Variants in DELE1 observed in about 807,000 individuals in gnomAD.
DELE1 encodes the protein DAP3 binding cell death enhancer 1, also known as death ligand signal enhancer.
Under a neutral mutation model 59.3 loss-of-function variants are expected in DELE1, and 54 were observed. The ratio of observed to expected loss-of-function variants is 0.91; its 90% confidence interval spans 0.73 to 1.14. The LOEUF is 1.14. Among genes scored for constraint, DELE1 ranks in the 50% most tolerant of loss-of-function variants. The pLI, the probability that DELE1 is intolerant of heterozygous loss-of-function variation, is 0.00. For synonymous variants in DELE1, 264 were observed against 259.1 expected, an observed-to-expected ratio of 1.02 and a Z score of -0.18; for missense variants, 636 against 643.9, an observed-to-expected ratio of 0.99 and a Z score of 0.13.
chr5:141,932,825 T>G (rs1055912030), intron 7 of DELE1, among the ~76,000 whole-genome samples: 6 of 152,152 alleles, frequency 3.9e-5, no homozygotes, highest in African/African-American at 1.4e-4. Context: ...CCAGGCACAG[T>G]GGCTCACGCC....
chr5:141,933,947 G>A (rs553150742), intron 8 of DELE1: 90 of 212,506 alleles, frequency 4.2e-4, no homozygotes, highest in African/African-American at 1.3e-3. Flanking sequence ...GTGCAAATGC[G>A]TAGATGTCTA....
Position 141,928,254 on chromosome 5 carries a change from C to T in DELE1, c.368C>T (p.Pro123Leu), listed in dbSNP as rs780091229. The T allele has an allele frequency of 2.5e-6, 4 of 1,614,228 alleles. No individual in the cohort carries two copies. The highest frequency in any genetic ancestry group is 3.3e-5 in the Admixed American group (2 of 60,018). ...QRVEHCSWHSPLDRFFSSPLW... is the reference protein window; with the variant it reads ...QRVEHCSWHSLLDRFFSSPLW... Reference sequence around the variant, plus strand: ...GTAGAACACTGCTCCTGGCACAGTCCCCTGGACCGTTTCTTCTCATCTCCC... The same window carrying T: ...GTAGAACACTGCTCCTGGCACAGTCTCCTGGACCGTTTCTTCTCATCTCCC... Residue 123 changes from proline to leucine, a missense_variant, in exon 4 of 12, where the codon CCC becomes CTC. Transcript: ENST00000432126.
chr5:141,924,687 C>T lies in DELE1; in HGVS notation c.138C>T (p.Asn46=), dbSNP rs773168096. The change falls in exon 2 of 12, where the codon AAC becomes AAT. Residue 46 remains asparagine (N), a synonymous_variant. Coordinates refer to ENST00000432126, the MANE Select transcript of DELE1 (RefSeq NM_014773.5). Reference sequence around the variant, plus strand: ...CCACTTTGCTGGTTCCTGTGCCTAACCTCGACAGGTAAGATACTGCCATTT... The same window carrying T: ...CCACTTTGCTGGTTCCTGTGCCTAATCTCGACAGGTAAGATACTGCCATTT... ...TSSTLLVPVP[N]LDRSGPHGPG... is the part of the protein sequence containing the mutation. 2.4e-5 allele frequency: 38 copies of T among 1,604,152 alleles called. No homozygotes were observed. Among genetic ancestry groups the T allele is most frequent in the Admixed American group, 5.0e-5 (3 of 59,980 alleles).
chr5:141,935,209 G>C (rs557999847), intron 10 of DELE1, among the ~76,000 whole-genome samples: 1 of 152,292 alleles, frequency 6.6e-6, no homozygotes, highest in African/African-American at 2.4e-5. Flanking sequence ...GGGGTCATTG[G>C]CATTCAGACA....
chr5:141,930,152 G>A (rs1487912069), intron 6 of DELE1, 26 bp from the exon 7 acceptor site: 3 of 1,609,338 alleles, frequency 1.9e-6, no homozygotes, highest in Non-Finnish European at 2.6e-6. Context: ...CCATCCCTTG[G>A]TGAGTCTTTT....
Position 141,940,696 on chromosome 5 carries a change from G to A in DELE1, c.*1937G>A. Reference sequence around the variant, plus strand: ...CCCTGCACACTGGCTCACCACTGTTGGACCCTGCACATGGCCACCTTCCAC... The same window carrying A: ...CCCTGCACACTGGCTCACCACTGTTAGACCCTGCACATGGCCACCTTCCAC... On this transcript the variant is annotated 3_prime_UTR_variant, in exon 12 of 12. Transcript: ENST00000432126. 1.0e-6 allele frequency: 1 copy of A among 979,672 alleles called. No individual in the cohort carries two copies. The highest frequency in any genetic ancestry group is 1.2e-6 in the Non-Finnish European group (1 of 824,734). The allele number at this position is 979,672 out of a possible 1,614,324, so 60.7% of individuals were successfully genotyped here. A position where few individuals can be genotyped will look rare whatever the true frequency, so the allele number is the denominator to read the frequency against.
chr5:141,937,117 C>T, intron 10 of DELE1, 81 bp from the exon 11 acceptor site: 2 of 1,584,306 alleles, frequency 1.3e-6, no homozygotes, highest in Admixed American at 1.7e-5. Context: ...GCATGCCTGA[C>T]TTCATCTTCC....
At chr5:141,924,026 A>G (rs777152408) in intron 1 of DELE1, 54 bp downstream of exon 1, 19 of 1,586,120 alleles carry the variant, frequency 1.2e-5, no homozygotes, top group Non-Finnish European at 1.5e-5. Context: ...ACCGAACTGG[A>G]GTGGGGGCGG....
intron 10 of DELE1, among the ~76,000 whole-genome samples, chr5:141,936,527 C>T (rs1243211140): frequency 4.6e-5 from 7 of 152,162 alleles, no homozygotes; most frequent in South Asian, 2.1e-4. Context: ...CTCCGCCTCC[C>T]GGGTTCACAT....
Position 141,941,317 on chromosome 5 carries a change from G to A in DELE1, c.*2558G>A. ...TACTGATTCAATTTGGGGTGCCAAA[G>A]GTTGGGGGTAGGATATTTTTAAGCT... On this transcript the variant is annotated 3_prime_UTR_variant, in exon 12 of 12. Coordinates refer to ENST00000432126, the MANE Select transcript of DELE1 (RefSeq NM_014773.5). 1 of 985,568 alleles carries A rather than the reference G, an allele frequency of 1.0e-6. No individual in the cohort carries two copies. Among genetic ancestry groups the A allele is most frequent in the Non-Finnish European group, 1.2e-6 (1 of 830,064 alleles). The allele number at this position is 985,568 out of a possible 1,614,324, so 61.1% of individuals were successfully genotyped here. A position where few individuals can be genotyped will look rare whatever the true frequency, so the allele number is the denominator to read the frequency against.
chr5:141,932,588 T>G (rs955685348), intron 7 of DELE1, among the ~76,000 whole-genome samples: 6 of 152,164 alleles, frequency 3.9e-5, no homozygotes, highest in African/African-American at 1.4e-4. Flanking sequence ...AGGGCTGTTT[T>G]CTCTCCTTGT....
rs1410422981 is a variant in DELE1, at chr5:141,930,281, AAAT to A, written c.754+8_754+10del. On this transcript the variant is annotated splice_region_variant and intron_variant, in intron 7 of 11. Transcript: ENST00000432126. Reference sequence around the variant, plus strand: ...ATCGCTTTCAACTTCCTGGGTAACCAAATGGACCCTGCCCCAAGGCAGGAGGGT... The same window carrying A: ...ATCGCTTTCAACTTCCTGGGTAACCAGGACCCTGCCCCAAGGCAGGAGGGT... 4 of 1,601,420 alleles carry A rather than the reference AAAT, an allele frequency of 2.5e-6. No individual in the cohort carries two copies. Among genetic ancestry groups the A allele is most frequent in the Admixed American group, 1.7e-5 (1 of 59,962 alleles).
intron 4 of DELE1, 69 bp from the exon 5 acceptor site, chr5:141,929,513 G>T: frequency 6.5e-7 from 1 of 1,545,834 alleles, no homozygotes; most frequent in South Asian, 1.2e-5. Flanking sequence ...GCCTCCCAAG[G>T]TGCTGTGATT....
chr5:141,925,076 C>T (rs13189182), intron 2 of DELE1, among the ~76,000 whole-genome samples: 21,698 of 151,998 alleles, frequency 0.14, 2,272 homozygotes, highest in African/African-American at 0.3. Context: ...TTCAGGCATG[C>T]ACCATCACGC....
At chr5:141,938,481 AT>A in intron 11 of DELE1, 39 bp from the exon 12 acceptor site, 1 of 1,595,304 alleles carries the variant, frequency 6.3e-7, no homozygotes, top group Non-Finnish European at 8.6e-7. Flanking sequence ...GTCCAAGAAT[AT>A]ACAGCAAGAG....
At chr5:141,936,042 A>C (rs1387703688) in intron 10 of DELE1, among the ~76,000 whole-genome samples, 1 of 152,136 alleles carries the variant, frequency 6.6e-6, no homozygotes, top group Non-Finnish European at 1.5e-5. Context: ...CAGAAGTTTG[A>C]CTGTGGAGGG....
Position 141,939,908 on chromosome 5 carries a change from C to CT in DELE1, c.*1152dup, listed in dbSNP as rs1251380918. ...GGCAGTGATGCTCATGGTTGCATGACTTTATGAGTCGCTGGGCCAGGGTGA... is the reference window on the plus strand; with the variant it reads ...GGCAGTGATGCTCATGGTTGCATGACTTTTATGAGTCGCTGGGCCAGGGTGA... On this transcript the variant is annotated 3_prime_UTR_variant, in exon 12 of 12. Coordinates refer to ENST00000432126, the MANE Select transcript of DELE1 (RefSeq NM_014773.5). The CT allele has an allele frequency of 1.1e-5, 8 of 725,996 alleles. No individual in the cohort carries two copies. Among genetic ancestry groups the CT allele is most frequent in the Non-Finnish European group, 1.3e-5 (8 of 593,550 alleles). 45.0% of individuals were successfully genotyped at this position (725,996 alleles called of 1,614,324 possible).
intron 5 of DELE1, 30 bp from the exon 6 acceptor site, chr5:141,929,959 C>T (rs1225089533): frequency 6.2e-7 from 1 of 1,603,662 alleles, no homozygotes; most frequent in Non-Finnish European, 8.5e-7. Flanking sequence ...TCTCCTTTGC[C>T]CTGGCCGGGT....
Position 141,941,048 on chromosome 5 carries a change from G to A in DELE1, c.*2289G>A. ...TGAGCCCAGAGCCCGTTTCCCTACA[G>A]ATTGCTTTTGAGCCTTCCTGGGGCA... On this transcript the variant is annotated 3_prime_UTR_variant, in exon 12 of 12. Coordinates refer to ENST00000432126, the MANE Select transcript of DELE1 (RefSeq NM_014773.5). 1 of 985,440 alleles carries A rather than the reference G, an allele frequency of 1.0e-6. No homozygotes were observed. The highest frequency in any genetic ancestry group is 4.7e-5 in the South Asian group (1 of 21,290). 61.0% of individuals were successfully genotyped at this position (985,440 alleles called of 1,614,324 possible). A position where few individuals can be genotyped will look rare whatever the true frequency, so the allele number is the denominator to read the frequency against.
Sources: gnomAD v4.1 joint callset for allele counts (sites outside exome capture counted in the v4.1 genomes callset) on GRCh38, gnomAD v4.1.1 for gene constraint, MANE v1.5 for transcripts, NCBI Gene and HGNC (gene_info 2026-07-23, HGNC 2026-07-21) for gene names.